CFAP299: variants seen among roughly 807,000 people sequenced by gnomAD.
The protein encoded by CFAP299 is cilia- and flagella-associated protein 299.
A neutral mutation model predicts 27.0 loss-of-function variants in CFAP299; 21 were observed. The ratio of observed to expected loss-of-function variants is 0.78; its 90% confidence interval spans 0.55 to 1.12. The LOEUF (loss-of-function observed/expected upper bound fraction) is 1.12. CFAP299 is among the 50% of genes most tolerant of loss of function. The pLI is 0.00. For synonymous variants in CFAP299, 104 were observed against 98.1 expected, an observed-to-expected ratio of 1.06 and a Z score of -0.36; for missense variants, 310 against 276.6, an observed-to-expected ratio of 1.12 and a Z score of -0.86.
At chr4:80,922,335 A>G (rs1226335912) in intron 4 of CFAP299, among the ~76,000 whole-genome samples, 4 of 152,038 alleles carry the variant, frequency 2.6e-5, no homozygotes, top group Non-Finnish European at 2.9e-5. Flanking sequence ...TTACTTGCAA[A>G]CTAAAACATA....
At chr4:80,863,648 A>T (rs192751869) in intron 3 of CFAP299, among the ~76,000 whole-genome samples, 1 of 152,158 alleles carries the variant, frequency 6.6e-6, no homozygotes, top group East Asian at 1.9e-4. Flanking sequence ...TTAACCAAAA[A>T]CTAGTATTTT....
rs1421789617 is a variant in CFAP299, at chr4:80,724,822, T to C, written c.333+141639T>C. Among the ~76,000 whole-genome samples, 4 of 150,526 alleles carry C rather than the reference T, an allele frequency of 2.7e-5. No homozygotes were observed. In the East Asian group the frequency reaches 5.8e-4, roughly 22 times the overall value. On this transcript the variant is annotated intron_variant, in intron 3 of 5. Transcript: ENST00000358105. ...TGGATGTTGCTTTCTTCCTTTTTTT[T>C]CTTTCTTTTTCTTTATTTCCTTCAT...
At chr4:80,815,209 T>C (rs1207884656) in intron 3 of CFAP299, among the ~76,000 whole-genome samples, 2 of 151,670 alleles carry the variant, frequency 1.3e-5, no homozygotes, top group Non-Finnish European at 2.9e-5. Flanking sequence ...GTTTGTCCAA[T>C]AGGAGTTCTA....
chr4:80,624,585 A>T (rs187389810), intron 3 of CFAP299, among the ~76,000 whole-genome samples: 1 of 152,206 alleles, frequency 6.6e-6, no homozygotes. Flanking sequence ...ATGCTAGCAG[A>T]ACAATTTTCA....
intron 3 of CFAP299, among the ~76,000 whole-genome samples, chr4:80,593,402 C>G (rs773298445): frequency 3.3e-5 from 5 of 152,174 alleles, no homozygotes; most frequent in Admixed American, 6.5e-5. Flanking sequence ...TCATATCTGA[C>G]CAGTATACGG....
intron 4 of CFAP299, among the ~76,000 whole-genome samples, chr4:80,897,381 G>A (rs1423931140): frequency 2.0e-5 from 3 of 152,144 alleles, no homozygotes; most frequent in African/African-American, 7.2e-5. Context: ...CTTATATTCT[G>A]ATAGATAAAA....
intron 3 of CFAP299, among the ~76,000 whole-genome samples, chr4:80,720,350 T>G (rs1410471129): frequency 1.3e-5 from 2 of 152,112 alleles, no homozygotes; most frequent in Non-Finnish European, 2.9e-5. Flanking sequence ...CACAGAACAT[T>G]GCAGTACTCA....
At chr4:80,597,916 G>A (rs985260659) in intron 3 of CFAP299, among the ~76,000 whole-genome samples, 10 of 152,108 alleles carry the variant, frequency 6.6e-5, no homozygotes, top group Admixed American at 5.9e-4. Context: ...TGAACTCCTG[G>A]CCTCAAGTGA....
At chr4:80,956,552 C>T (rs72866916) in intron 5 of CFAP299, among the ~76,000 whole-genome samples, 2,920 of 152,180 alleles carry the variant, frequency 0.019, 103 homozygotes, top group African/African-American at 0.067. Flanking sequence ...ACTTCCACCC[C>T]GGCACATTTC....
chr4:80,649,582 ATATT>A (rs1243072417), intron 3 of CFAP299, among the ~76,000 whole-genome samples: 1 of 152,172 alleles, frequency 6.6e-6, no homozygotes, highest in Non-Finnish European at 1.5e-5. Context: ...AAATTAAGAA[ATATT>A]TATTTCCTTT....
chr4:80,734,565 C>T (rs934762201), intron 3 of CFAP299, among the ~76,000 whole-genome samples: 1 of 151,884 alleles, frequency 6.6e-6, no homozygotes, highest in African/African-American at 2.4e-5. Flanking sequence ...GGAGAGTTTC[C>T]CCAGTGTTTT....
chr4:80,856,366 T>C (rs986995493), intron 3 of CFAP299, among the ~76,000 whole-genome samples: 14 of 150,818 alleles, frequency 9.3e-5, no homozygotes, highest in African/African-American at 3.4e-4. Context: ...CTGTTCACTC[T>C]GATGGTAGTT....
rs570323309 is a variant in CFAP299, at chr4:80,357,157, TTG to T, written c.112-5596_112-5595del. Among the ~76,000 whole-genome samples, 14 of 152,366 alleles carry T rather than the reference TTG, an allele frequency of 9.2e-5. No homozygotes were observed. In the East Asian group the frequency reaches 2.7e-3, roughly 29 times the overall value. The stretch of plus-strand genomic sequence containing the variant: ...AATTATGTTTATTGATTTACATATG[TTG>T]AACCAACCTTGCGTCCCAAGGATGA... On this transcript the variant is annotated intron_variant, in intron 1 of 5. Transcript: ENST00000358105.
At chr4:80,640,807 G>A (rs182974974) in intron 3 of CFAP299, among the ~76,000 whole-genome samples, 13 of 152,212 alleles carry the variant, frequency 8.5e-5, no homozygotes, top group South Asian at 2.1e-4. Context: ...ATTAATTAGC[G>A]TTCCCCTGGG....
At chr4:80,648,428 T>C (rs1740131671) in intron 3 of CFAP299, among the ~76,000 whole-genome samples, 1 of 152,204 alleles carries the variant, frequency 6.6e-6, no homozygotes, top group Non-Finnish European at 1.5e-5. Flanking sequence ...TATGATCCTC[T>C]CCTTAACTGT....
chr4:80,382,837 C>A lies in CFAP299; in HGVS notation c.242+19953C>A, dbSNP rs113063342. Among the ~76,000 whole-genome samples, 6 of 152,154 alleles carry A rather than the reference C, an allele frequency of 3.9e-5. No homozygotes were observed. In the South Asian group the frequency reaches 1.0e-3, roughly 26 times the overall value. ...CCCATTACGGGTTTATATTTATATT[C>A]CCAAAGGAATATAAATCATTTTATC... On this transcript the variant is annotated intron_variant, in intron 2 of 5. Coordinates refer to ENST00000358105, the MANE Select transcript of CFAP299 (RefSeq NM_152770.3).
At chr4:80,691,425 A>G (rs1720681706) in intron 3 of CFAP299, among the ~76,000 whole-genome samples, 1 of 151,216 alleles carries the variant, frequency 6.6e-6, no homozygotes, top group Non-Finnish European at 1.5e-5. Flanking sequence ...GCATATAAAC[A>G]GAACCAAAGA....
intron 2 of CFAP299, among the ~76,000 whole-genome samples, chr4:80,378,982 G>T (rs1724560317): frequency 6.6e-6 from 1 of 151,702 alleles, no homozygotes; most frequent in South Asian, 2.1e-4. Flanking sequence ...TGTTTTACTT[G>T]CTCTTCTACT....
chr4:80,925,320 C>T (rs1736253133), intron 4 of CFAP299, among the ~76,000 whole-genome samples: 1 of 151,942 alleles, frequency 6.6e-6, no homozygotes, highest in Non-Finnish European at 1.5e-5. Flanking sequence ...AAAACCATAT[C>T]TTACCTGCTT....
Sources: allele counts gnomAD v4.1 joint callset (sites outside exome capture counted in the v4.1 genomes callset), GRCh38; gene constraint gnomAD v4.1.1; transcripts MANE v1.5; gene names NCBI Gene and HGNC (gene_info 2026-07-23, HGNC 2026-07-21).